DUSP10: variants seen among roughly 807,000 people sequenced by gnomAD.
DUSP10 encodes dual specificity protein phosphatase 10.
Under a neutral mutation model 30.8 loss-of-function variants are expected in DUSP10, and 14 were observed. The ratio of observed to expected loss-of-function variants is 0.46; its 90% CI spans 0.30 to 0.71. The LOEUF (loss-of-function observed/expected upper bound fraction) is 0.71, where lower values mean the gene tolerates loss of function less well. Among genes scored for constraint, DUSP10 ranks in the 30% least tolerant of loss-of-function variants. DUSP10 has a pLI of 0.08. For synonymous variants in DUSP10, 254 were observed against 250.4 expected (o/e 1.01, Z -0.14); for missense variants, 550 against 619.4 (o/e 0.89, Z 1.19).
chr1:221,739,103 G>A lies in DUSP10; in HGVS notation c.642C>T (p.Asp214=), dbSNP rs1449078571. The A allele has an allele frequency of 5.0e-6, 8 of 1,614,216 alleles. No homozygotes were observed. The highest frequency in any genetic ancestry group is 6.8e-6 in the Non-Finnish European group (8 of 1,180,032). ...RLQQGKITVL[D]LISCREGKDS... ...CCTTGCCTTCCCTACAGGAAATCAAGTCTAGGACAGTGATCTTGCCCTGCT... is the reference window on the plus strand; with the variant it reads ...CCTTGCCTTCCCTACAGGAAATCAAATCTAGGACAGTGATCTTGCCCTGCT... Residue 214 remains aspartate (D), a synonymous_variant, in exon 2 of 4, where the codon GAC becomes GAT. Transcript: ENST00000366899.
At chr1:221,704,890 A>G (rs569772488) in intron 3 of DUSP10, among the ~76,000 whole-genome samples, 5 of 152,166 alleles carry the variant, frequency 3.3e-5, no homozygotes, top group Non-Finnish European at 7.3e-5. Context: ...CAAATCCACC[A>G]GACCCCACTG....
chr1:221,737,100 G>T (rs1661797938), intron 2 of DUSP10: 2 of 985,324 alleles, frequency 2.0e-6, no homozygotes, highest in Admixed American at 6.1e-5. Context: ...CTCAATGACT[G>T]ATGGGTCACC....
intron 2 of DUSP10, among the ~76,000 whole-genome samples, chr1:221,720,211 G>C (rs935180449): frequency 6.6e-6 from 1 of 152,250 alleles, no homozygotes; most frequent in South Asian, 2.1e-4. Context: ...ACTAGTGGCT[G>C]GGGGCCCCTA....
intron 2 of DUSP10, among the ~76,000 whole-genome samples, chr1:221,718,220 A>G (rs895133953): frequency 6.6e-6 from 1 of 152,124 alleles, no homozygotes; most frequent in African/African-American, 2.4e-5. Flanking sequence ...AACCAGCTAC[A>G]TGCACGCACA....
intron 3 of DUSP10, among the ~76,000 whole-genome samples, chr1:221,703,723 C>T (rs1660676641): frequency 6.6e-6 from 1 of 152,166 alleles, no homozygotes; most frequent in Admixed American, 6.5e-5. Flanking sequence ...TTCTTAATGA[C>T]ATTTCTAGAC....
At chr1:221,718,874 A>G (rs1285726777) in intron 2 of DUSP10, among the ~76,000 whole-genome samples, 2 of 152,246 alleles carry the variant, frequency 1.3e-5, no homozygotes, top group African/African-American at 2.4e-5. Context: ...ACAGGAGAGC[A>G]TATTTCTACT....
intron 2 of DUSP10, among the ~76,000 whole-genome samples, chr1:221,738,311 C>T (rs923002284): frequency 7.2e-5 from 11 of 152,320 alleles, no homozygotes; most frequent in Middle Eastern, 3.4e-3. Flanking sequence ...TTCATAAAAA[C>T]GTCTCTGTTC....
chr1:221,722,741 G>A (rs150015099), intron 2 of DUSP10, among the ~76,000 whole-genome samples: 1 of 152,270 alleles, frequency 6.6e-6, no homozygotes, highest in African/African-American at 2.4e-5. Context: ...ACCTAAGAGG[G>A]CCTTGCAGAA....
intron 2 of DUSP10, among the ~76,000 whole-genome samples, chr1:221,732,179 A>G (rs922996056): frequency 6.6e-6 from 1 of 152,224 alleles, no homozygotes; most frequent in Non-Finnish European, 1.5e-5. Flanking sequence ...GCATTCAACA[A>G]TATTTATTGA....
At chr1:221,714,044 A>C (rs1316891893) in intron 2 of DUSP10, among the ~76,000 whole-genome samples, 1 of 152,216 alleles carries the variant, frequency 6.6e-6, no homozygotes, top group East Asian at 1.9e-4. Flanking sequence ...ACCAAGTAGT[A>C]TTTAGTAATG....
intron 3 of DUSP10, among the ~76,000 whole-genome samples, chr1:221,704,224 T>C (rs1163567388): frequency 6.6e-6 from 1 of 151,620 alleles, no homozygotes; most frequent in Non-Finnish European, 1.5e-5. Flanking sequence ...TATCCAATAA[T>C]ATAACAATGA....
At chr1:221,723,939 C>T (rs1297851059) in intron 2 of DUSP10, among the ~76,000 whole-genome samples, 1 of 152,162 alleles carries the variant, frequency 6.6e-6, no homozygotes, top group Non-Finnish European at 1.5e-5. Flanking sequence ...TAATACAAAG[C>T]CCTGACCTTC....
chr1:221,718,238 A>T (rs1373861435), intron 2 of DUSP10, among the ~76,000 whole-genome samples: 1 of 151,612 alleles, frequency 6.6e-6, no homozygotes, highest in Non-Finnish European at 1.5e-5. Context: ...ACAGAAGCCC[A>T]CTCCTCTCCC....
intron 2 of DUSP10, chr1:221,737,207 G>A (rs1318401849): frequency 1.3e-5 from 13 of 985,272 alleles, no homozygotes; most frequent in Middle Eastern, 5.2e-4. Flanking sequence ...ATCTTGATCC[G>A]TGTTGTTTCC....
chr1:221,715,704 C>T (rs1414495245), intron 2 of DUSP10, among the ~76,000 whole-genome samples: 1 of 152,194 alleles, frequency 6.6e-6, no homozygotes, highest in Non-Finnish European at 1.5e-5. Flanking sequence ...CAGCTGATGA[C>T]AGTCATGTAA....
At chr1:221,736,797 C>A in intron 2 of DUSP10, 1 of 984,718 alleles carries the variant, frequency 1.0e-6, no homozygotes, top group Non-Finnish European at 1.2e-6. Context: ...CAATGAAATT[C>A]CCAGATATTT....
intron 2 of DUSP10, among the ~76,000 whole-genome samples, chr1:221,714,474 T>C (rs992765922): frequency 3.3e-5 from 5 of 152,082 alleles, no homozygotes; most frequent in African/African-American, 4.8e-5. Flanking sequence ...GCCGGCCACG[T>C]GTACAGTAAG....
intron 2 of DUSP10, among the ~76,000 whole-genome samples, chr1:221,723,167 C>T (rs1303316108): frequency 6.6e-6 from 1 of 152,158 alleles, no homozygotes; most frequent in Non-Finnish European, 1.5e-5. Flanking sequence ...ATGAAATAGG[C>T]CCCAGAGATT....
chr1:221,702,930 T>C lies in DUSP10; in HGVS notation c.1184-253A>G, dbSNP rs930681558. On this transcript the variant is annotated intron_variant, in intron 3 of 3. Coordinates refer to ENST00000366899, the MANE Select transcript of DUSP10 (RefSeq NM_007207.6). This position sits in a 1 kb window ranked among gnomAD's most constrained non-coding sequence, Gnocchi z 4.5. ...TTAAAGAGAAGATTAAATGAAAGAATTGCTCATAGGAACAGTTTGCTGCAC... is the reference window on the plus strand; with the variant it reads ...TTAAAGAGAAGATTAAATGAAAGAACTGCTCATAGGAACAGTTTGCTGCAC... Among the ~76,000 whole-genome samples the C allele has an allele frequency of 6.6e-6, 1 of 152,180 alleles. No homozygotes were observed. The highest frequency in any genetic ancestry group is 1.5e-5 in the Non-Finnish European group (1 of 68,026).
Sources: gnomAD v4.1 joint callset for allele counts (sites outside exome capture counted in the v4.1 genomes callset) on GRCh38, gnomAD v4.1.1 for gene constraint, Gnocchi (gnomAD v3.1) non-coding constraint, MANE v1.5 for transcripts, NCBI Gene and HGNC (gene_info 2026-07-23, HGNC 2026-07-21) for gene names.